NOXO1: variants seen among roughly 807,000 people sequenced by gnomAD.
The protein encoded by NOXO1 is NADPH oxidase organizer 1.
Under a neutral mutation model 33.3 loss-of-function variants are expected in NOXO1, and 38 were observed. The observed-to-expected ratio is 1.14, with a 90% CI of 0.88 to 1.50. The LOEUF (loss-of-function observed/expected upper bound fraction) is 1.50. Among genes scored for constraint, NOXO1 ranks in the 40% most tolerant of loss-of-function variants. The probability of loss-of-function intolerance (pLI) is 0.00; values close to 1 mark genes in which losing one functional copy is unlikely to be tolerated. For synonymous variants in NOXO1, 302 were observed against 237.3 expected (o/e 1.27, Z -2.51); for missense variants, 675 against 527.1 (o/e 1.28, Z -2.75).
Position 1,979,413 on chromosome 16 carries a change from GCT to G in NOXO1, c.818+10_818+11del. 6.2e-7 allele frequency: 1 copy of G among 1,604,236 alleles called. No individual in the cohort carries two copies. On this transcript the variant is annotated intron_variant, in intron 7 of 7. Coordinates refer to ENST00000356120, the MANE Select transcript of NOXO1 (RefSeq NM_172167.3). Reference sequence around the variant, plus strand: ...CGGCTAGCCTGCCCTGCCCACGCCCGCTCCCGCGTACCTGCATAGCCACCAGC... The same window carrying G: ...CGGCTAGCCTGCCCTGCCCACGCCCGCCCGCGTACCTGCATAGCCACCAGC...
chr16:1,979,962 G>A (rs1307258286), intron 5 of NOXO1, 35 bp downstream of exon 5: 1 of 1,579,214 alleles, frequency 6.3e-7, no homozygotes, highest in Non-Finnish European at 8.6e-7. Flanking sequence ...TCCAGGAGCA[G>A]AGGAGCAAAT....
At position 1,979,917 on chromosome 16, in the gene NOXO1, G is replaced by A. The variant is rs1473653409; in HGVS notation, c.587-14C>T. On this transcript the variant is annotated splice_polypyrimidine_tract_variant and intron_variant, in intron 5 of 7. Coordinates refer to ENST00000356120, the MANE Select transcript of NOXO1 (RefSeq NM_172167.3). ...CCAGCCACCAGCCTGTGCGCAAGAA[G>A]CGGGCAGGGACTCAAATCTCGAGGC... The A allele has an allele frequency of 1.3e-6, 2 of 1,578,382 alleles. No homozygotes were observed. Among genetic ancestry groups the A allele is most frequent in the South Asian group, 2.3e-5 (2 of 86,978 alleles).
At position 1,979,041 on chromosome 16, in the gene NOXO1, G is replaced by A; in HGVS notation, c.*11C>T. ...ATGGCGCGGTCCATCCCCTCATCGG[G>A]ATCCTCGCGCTCACTGCTCCGTCGT... On this transcript the variant is annotated 3_prime_UTR_variant, in exon 8 of 8. Coordinates refer to ENST00000356120, the MANE Select transcript of NOXO1 (RefSeq NM_172167.3). 1.3e-6 allele frequency: 2 copies of A among 1,541,546 alleles called. No homozygotes were observed. Among genetic ancestry groups the A allele is most frequent in the Admixed American group, 2.0e-5 (1 of 50,514 alleles).
At position 1,980,669 on chromosome 16, in the gene NOXO1, G is replaced by A. The variant is rs770617199; in HGVS notation, c.210C>T (p.Leu70=). The change falls in exon 3 of 8, where the codon CTC becomes CTT. Residue 70 remains leucine, a synonymous_variant. Transcript: ENST00000356120. ...GGCTGGCCTGACCGAGAAGCTTTGGGAGAACGCGGTCAGATCTCCGCAGCA... is the reference window on the plus strand; with the variant it reads ...GGCTGGCCTGACCGAGAAGCTTTGGAAGAACGCGGTCAGATCTCCGCAGCA... The part of the protein sequence containing the change: ...AGLLRRSDRV[L]PKLLDAPLLG... 2 of 1,607,146 alleles carry A rather than the reference G, an allele frequency of 1.2e-6. No homozygotes were observed. Among genetic ancestry groups the A allele is most frequent in the South Asian group, 2.2e-5 (2 of 90,034 alleles).
rs534041468 is a variant in NOXO1 at position 1,979,999 on chromosome 16, G to A, written c.584C>T (p.Ser195Leu). The A allele has an allele frequency of 3.3e-4, 522 of 1,602,026 alleles. 5 individuals carry two copies. The South Asian group carries it at 5.7e-3, about 17-fold the overall frequency. The change falls in exon 5 of 8, where the codon TCA becomes TTA. Residue 195 changes from serine (S) to leucine (L), a missense_variant and splice_region_variant. Ser to Leu is a moderately radical substitution (Grantham distance 145). Coordinates refer to ENST00000356120, the MANE Select transcript of NOXO1 (RefSeq NM_172167.3). The stretch of plus-strand genomic sequence containing the variant: ...CCTGGGTTCTTGGGGGGCCCTACCT[G>A]AGGGGTGCCGCAGCAGCACGTCCAG... ...ESLDVLLRHP[S>L]GWWLVENEDR...
intron 3 of NOXO1, 38 bp from the exon 4 acceptor site, chr16:1,980,582 T>A: frequency 6.3e-7 from 1 of 1,595,848 alleles, no homozygotes; most frequent in Non-Finnish European, 8.5e-7. Context: ...ATACGCCGCT[T>A]TGGGCTTCAC....
intron 2 of NOXO1, 103 bp downstream of exon 2, chr16:1,980,836 C>T: frequency 6.8e-7 from 1 of 1,464,176 alleles, no homozygotes; most frequent in Non-Finnish European, 9.4e-7. Context: ...TCAGCAGGGA[C>T]GAAGGGCCTC....
At position 1,979,910 on chromosome 16, in the gene NOXO1, G is replaced by C; in HGVS notation, c.587-7C>G. 1 of 1,579,294 alleles carries C rather than the reference G, an allele frequency of 6.3e-7. No homozygotes were observed. The highest frequency in any genetic ancestry group is 8.6e-7 in the Non-Finnish European group (1 of 1,163,272). ...TTCTCCACCAGCCACCAGCCTGTGC[G>C]CAAGAAGCGGGCAGGGACTCAAATC... On this transcript the variant is annotated splice_polypyrimidine_tract_variant and splice_region_variant and intron_variant, in intron 5 of 7. Coordinates refer to ENST00000356120, the MANE Select transcript of NOXO1 (RefSeq NM_172167.3).
At position 1,980,125 on chromosome 16, in the gene NOXO1, A is replaced by C; in HGVS notation, c.458T>G (p.Leu153Arg). 17 of 1,607,498 alleles carry C rather than the reference A, an allele frequency of 1.1e-5. No homozygotes were observed. The highest frequency in any genetic ancestry group is 1.9e-4 in the Middle Eastern group (1 of 5,144). ...CTGAGCCTCCAGACTGTGGATGGAGAGGCGGCCCGCAGCGCGAGAAAGAGG... is the reference window on the plus strand; with the variant it reads ...CTGAGCCTCCAGACTGTGGATGGAGCGGCGGCCCGCAGCGCGAGAAAGAGG... ...EQPLSRAAGR[L>R]SIHSLEAQSL... The change falls in exon 5 of 8, where the codon CTC (leucine) becomes CGC (arginine). Residue 153 changes from leucine (L) to arginine (R), a missense_variant. Coordinates refer to ENST00000356120, the MANE Select transcript of NOXO1 (RefSeq NM_172167.3).
rs1482700086 is a variant in NOXO1 at position 1,980,370 on chromosome 16, C to T, written c.398G>A (p.Gly133Asp). ...PLDLEPALPP[G>D]SRVILPTPEE... ...GAGTTTGGGGCGAGTCAGGCACCTG[C>T]CGGGTGGCAGCGCGGGCTCCAGGTC... is the stretch of plus-strand genomic sequence containing the variant. Residue 133 changes from glycine (G) to aspartate (D), a missense_variant, in exon 4 of 8, where the codon GGC becomes GAC. By Grantham distance (94) the Gly-to-Asp change is moderately conservative (BLOSUM62 -1). Coordinates refer to ENST00000356120, the MANE Select transcript of NOXO1 (RefSeq NM_172167.3). The T allele has an allele frequency of 5.0e-6, 8 of 1,599,986 alleles. No individual in the cohort carries two copies. The highest frequency in any genetic ancestry group is 5.9e-6 in the Non-Finnish European group (7 of 1,178,702).
In NOXO1 at chr16:1,979,849, T is replaced by C; in HGVS notation, c.641A>G (p.Tyr214Cys). 1 of 1,580,574 alleles carries C rather than the reference T, an allele frequency of 6.3e-7. No homozygotes were observed. The highest frequency in any genetic ancestry group is 8.6e-7 in the Non-Finnish European group (1 of 1,164,614). ...DRQTAWFPAP[Y>C]LEEAAPGQGR... ...TTGGCCCGGGGCCGCCTCCTCCAGGTAGGGCGCTGGAAACCAGGCGGTCTG... is the reference window on the plus strand; with the variant it reads ...TTGGCCCGGGGCCGCCTCCTCCAGGCAGGGCGCTGGAAACCAGGCGGTCTG... Residue 214 changes from tyrosine (Y) to cysteine (C), a missense_variant, in exon 6 of 8, where the codon TAC (tyrosine) becomes TGC (cysteine). By Grantham distance (194) the Tyr-to-Cys change is radical (BLOSUM62 -2). Transcript: ENST00000356120.
rs1597055449 is a variant in NOXO1, at chr16:1,979,828, C to T, written c.662G>A (p.Gly221Asp). 6.4e-7 allele frequency: 1 copy of T among 1,570,472 alleles called. No homozygotes were observed. Among genetic ancestry groups the T allele is most frequent in the East Asian group, 2.4e-5 (1 of 42,194 alleles). ...PAPYLEEAAP[G>D]QGREGGPSLG... ...GGACGGGCCTCCCTCCCGGCCTTGG[C>T]CCGGGGCCGCCTCCTCCAGGTAGGG... Residue 221 changes from glycine to aspartate, a missense_variant, in exon 6 of 8, where the codon GGC (glycine) becomes GAC (aspartate). Coordinates refer to ENST00000356120, the MANE Select transcript of NOXO1 (RefSeq NM_172167.3).
chr16:1,980,604 G>A, intron 3 of NOXO1, 52 bp downstream of exon 3: 1 of 1,589,724 alleles, frequency 6.3e-7, no homozygotes. Context: ...GGTCCCTGGC[G>A]CCCCCAGGCA....
rs2083505810 is a variant in NOXO1 at position 1,981,328 on chromosome 16, C to T, written c.-149G>A. On this transcript the variant is annotated 5_prime_UTR_variant, in exon 1 of 8. Coordinates refer to ENST00000356120, the MANE Select transcript of NOXO1 (RefSeq NM_172167.3). ...CTGTGGGGTCCTTGTGGAGCCGCCC[C>T]AGCTGAGTCCTTTGCAGCTTTCTTG... 1.4e-6 allele frequency: 2 copies of T among 1,445,540 alleles called. No individual in the cohort carries two copies. The highest frequency in any genetic ancestry group is 5.5e-5 in the Admixed American group (2 of 36,660). 89.5% of individuals were successfully genotyped at this position (1,445,540 alleles called of 1,614,324 possible). A position where few individuals can be genotyped will look rare whatever the true frequency, so the allele number is the denominator to read the frequency against.
rs2083433119 is a variant in NOXO1 at position 1,978,947 on chromosome 16, A to G, written c.*105T>C. The G allele has an allele frequency of 1.8e-5, 22 of 1,219,252 alleles. No homozygotes were observed. Among genetic ancestry groups the G allele is most frequent in the Non-Finnish European group, 2.5e-5 (22 of 884,824 alleles). 75.5% of individuals were successfully genotyped at this position (1,219,252 alleles called of 1,614,324 possible). The stretch of plus-strand genomic sequence containing the variant: ...CAGAACAAGCTTTACTCAGAGGAAC[A>G]GCAAATGGCCCCCTCCCATCCCTGC... On this transcript the variant is annotated 3_prime_UTR_variant, in exon 8 of 8. Coordinates refer to ENST00000356120, the MANE Select transcript of NOXO1 (RefSeq NM_172167.3).
intron 6 of NOXO1, 117 bp downstream of exon 6, chr16:1,979,673 C>A (rs1249851534): frequency 1.7e-6 from 2 of 1,180,304 alleles, no homozygotes; most frequent in Non-Finnish European, 2.4e-6. Flanking sequence ...GGGGCTTCCT[C>A]TAGGTGCGGA....
At position 1,980,185 on chromosome 16, in the gene NOXO1, G is replaced by A. The variant is rs1050563771; in HGVS notation, c.402-4C>T. 6.3e-7 allele frequency: 1 copy of A among 1,595,972 alleles called. No homozygotes were observed. Among genetic ancestry groups the A allele is most frequent in the African/African-American group, 1.3e-5 (1 of 74,910 alleles). On this transcript the variant is annotated splice_polypyrimidine_tract_variant and splice_region_variant and intron_variant, in intron 4 of 7. Transcript: ENST00000356120. ...TGGGGTGGGCAGGATCACCCGGCTG[G>A]GAAGGGCAGCCCGTACGAGTGAGAG...
chr16:1,980,668 G>T lies in NOXO1; in HGVS notation c.211C>A (p.Pro71Thr). 1 of 1,607,056 alleles carries T rather than the reference G, an allele frequency of 6.2e-7. No homozygotes were observed. Among genetic ancestry groups the T allele is most frequent in the Non-Finnish European group, 8.5e-7 (1 of 1,177,094 alleles). The change falls in exon 3 of 8, where the codon CCA becomes ACA. Residue 71 changes from proline (P) to threonine (T), a missense_variant. Transcript: ENST00000356120. Reference sequence around the variant, plus strand: ...AGGCTGGCCTGACCGAGAAGCTTTGGGAGAACGCGGTCAGATCTCCGCAGC... The same window carrying T: ...AGGCTGGCCTGACCGAGAAGCTTTGTGAGAACGCGGTCAGATCTCCGCAGC... ...GLLRRSDRVL[P>T]KLLDAPLLGR... is the part of the protein sequence containing the mutation.
chr16:1,979,666 G>C, intron 6 of NOXO1, 124 bp from the exon 7 acceptor site: 1 of 1,186,968 alleles, frequency 8.4e-7, no homozygotes, highest in South Asian at 1.5e-5. Context: ...CCGGTTCGGG[G>C]CTTCCTCTAG....
Sources: allele counts gnomAD v4.1 joint callset, GRCh38; gene constraint gnomAD v4.1.1; transcripts MANE v1.5; gene names NCBI Gene and HGNC (gene_info 2026-07-23, HGNC 2026-07-21).